Variants in STXBP6 observed in about 807,000 individuals in gnomAD.
The protein encoded by STXBP6 is syntaxin-binding protein 6.
A neutral mutation model predicts 26.9 loss-of-function variants in STXBP6; 21 were observed. The observed-to-expected ratio is 0.78, with a 90% confidence interval of 0.55 to 1.12. STXBP6 has a LOEUF of 1.12. Among genes scored for constraint, STXBP6 ranks in the 50% most tolerant of loss-of-function variants. The pLI, the probability that STXBP6 is intolerant of heterozygous loss-of-function variation, is 0.00. For synonymous variants in STXBP6, 97 were observed against 92.6 expected (o/e 1.05, Z -0.27); for missense variants, 232 against 257.9 (o/e 0.90, Z 0.69).
chr14:24,895,807 C>T lies in STXBP6; in HGVS notation c.155-38650G>A, dbSNP rs372698036. Among the ~76,000 whole-genome samples the T allele has an allele frequency of 1.2e-4, 19 of 152,166 alleles. No homozygotes were observed. In the South Asian group the frequency reaches 2.9e-3, roughly 23 times the overall value. ...TTCATTAGTTGTGTTATCACGAACA[C>T]GCTGCCTAACCTCTCTGAGCATGAG... On this transcript the variant is annotated intron_variant, in intron 2 of 5. Coordinates refer to ENST00000323944, the MANE Select transcript of STXBP6 (RefSeq NM_001394410.1).
intron 1 of STXBP6, among the ~76,000 whole-genome samples, chr14:24,984,232 AAAAAAC>A (rs1251775921): frequency 8.5e-5 from 13 of 152,358 alleles, no homozygotes; most frequent in Non-Finnish European, 4.4e-5. Context: ...CTCTGTCTTA[AAAAAAC>A]AAAAACAAAA....
intron 2 of STXBP6, among the ~76,000 whole-genome samples, chr14:24,968,142 C>T (rs764850404): frequency 4.1e-5 from 6 of 146,950 alleles, no homozygotes; most frequent in East Asian, 3.9e-4. Context: ...TCTTAATTTC[C>T]GTAATATTCA....
intron 4 of STXBP6, among the ~76,000 whole-genome samples, chr14:24,849,649 T>G (rs1407366058): frequency 6.6e-6 from 1 of 152,102 alleles, no homozygotes; most frequent in African/African-American, 2.4e-5. Flanking sequence ...ACAAAAATAG[T>G]CACTGGAGGA....
At position 24,855,954 on chromosome 14, in the gene STXBP6, G is replaced by C; in HGVS notation, c.433C>G (p.Gln145Glu). Residue 145 changes from glutamine (Q) to glutamate (E), a missense_variant, in exon 4 of 6, where the codon CAA becomes GAA. Transcript: ENST00000323944. ...TDRKPEFINC[Q>E]SKIMGGNSIL... ...CACTCACCTCCCATAATTTTGGATT[G>C]GCAGTTAATAAACTCTGGCTTCCTG... The C allele has an allele frequency of 6.2e-7, 1 of 1,603,630 alleles. No homozygotes were observed. The highest frequency in any genetic ancestry group is 8.5e-7 in the Non-Finnish European group (1 of 1,176,246).
chr14:25,015,551 TG>T (rs1352753132), intron 1 of STXBP6, among the ~76,000 whole-genome samples: 2 of 152,122 alleles, frequency 1.3e-5, no homozygotes, highest in African/African-American at 4.8e-5. Context: ...AAAATCCTTT[TG>T]ATAAAGATTC....
At chr14:24,819,000 C>A in intron 5 of STXBP6, 37 bp downstream of exon 5, 1 of 1,535,854 alleles carries the variant, frequency 6.5e-7, no homozygotes, top group Non-Finnish European at 8.8e-7. Flanking sequence ...CTCCCCAACA[C>A]CCCAGAGCTG....
chr14:24,910,374 T>C (rs1156807223), intron 2 of STXBP6, among the ~76,000 whole-genome samples: 2 of 152,262 alleles, frequency 1.3e-5, no homozygotes, highest in South Asian at 2.1e-4. Context: ...AGCCAGAGTT[T>C]TTGCCTTTGT....
chr14:24,993,137 C>T lies in STXBP6; in HGVS notation c.-32-18287G>A, dbSNP rs183459437. On this transcript the variant is annotated intron_variant, in intron 1 of 5. Transcript: ENST00000323944. ...TTTCTAAGACTTCAAGTACCACCTA[C>T]AGGCTGAAAACACATCACATCTATA... Among the ~76,000 whole-genome samples the T allele has an allele frequency of 5.9e-4, 90 of 152,320 alleles. 1 individual carries two copies. Among genetic ancestry groups the T allele is most frequent in the African/African-American group, 2.1e-3 (89 of 41,570 alleles).
At chr14:24,846,644 T>C (rs1053260756) in intron 4 of STXBP6, among the ~76,000 whole-genome samples, 1 of 152,192 alleles carries the variant, frequency 6.6e-6, no homozygotes, top group African/African-American at 2.4e-5. Flanking sequence ...AAGTAACATG[T>C]CCTGCATTTT....
rs1033437740 is a variant in STXBP6 at position 24,952,177 on chromosome 14, A to G, written c.154+22488T>C. 5.3e-5 allele frequency among the ~76,000 whole-genome samples: 8 copies of G among 151,694 alleles called. No individual in the cohort carries two copies. In the Middle Eastern group the frequency reaches 0.014, roughly 258 times the overall value. ...GGGGATTCATGATATTATTCTCTTT[A>G]CTGTTACATATTTGTAATTTTTAAT... On this transcript the variant is annotated intron_variant, in intron 2 of 5. Coordinates refer to ENST00000323944, the MANE Select transcript of STXBP6 (RefSeq NM_001394410.1).
chr14:24,923,172 A>G (rs2072041253), intron 2 of STXBP6, among the ~76,000 whole-genome samples: 1 of 152,086 alleles, frequency 6.6e-6, no homozygotes, highest in Non-Finnish European at 1.5e-5. Context: ...CATTATTCAT[A>G]TTTAGATATA....
Position 25,049,661 on chromosome 14 carries a change from CTG to C in STXBP6, c.-33+215_-33+216del, listed in dbSNP as rs1294240276. On this transcript the variant is annotated intron_variant, in intron 1 of 5. Transcript: ENST00000323944. This position sits in a 1 kb window ranked among gnomAD's most constrained non-coding sequence, Gnocchi z 5.6. ...GAGAACCAGGGACACGAGTCCCTCT[CTG>C]CGCGCACAAAGCAGCTGCGCCGGGG... The C allele has an allele frequency of 1.0e-6, 1 of 985,648 alleles. No homozygotes were observed. The allele number at this position is 985,648 out of a possible 1,614,324, so 61.1% of individuals were successfully genotyped here. A position where few individuals can be genotyped will look rare whatever the true frequency, so the allele number is the denominator to read the frequency against.
chr14:25,003,763 C>G (rs1430644635), intron 1 of STXBP6, among the ~76,000 whole-genome samples: 23 of 152,208 alleles, frequency 1.5e-4, no homozygotes, highest in Admixed American at 1.5e-3. Context: ...CTGGATGACT[C>G]CTGTTACTGG....
chr14:24,924,794 G>C (rs775582492), intron 2 of STXBP6, among the ~76,000 whole-genome samples: 2 of 152,156 alleles, frequency 1.3e-5, no homozygotes, highest in Non-Finnish European at 2.9e-5. Context: ...AGTCTCACAT[G>C]TCAGATTACG....
chr14:24,918,452 CCACACACACACACACACACACA>C (rs55810129), intron 2 of STXBP6, among the ~76,000 whole-genome samples: 38 of 133,478 alleles, frequency 2.8e-4, no homozygotes, highest in African/African-American at 4.7e-4. Context: ...CACACCCCCA[CCACACACACACACACACACACA>C]CACACACACA....
chr14:24,947,373 C>A (rs79367816), intron 2 of STXBP6, among the ~76,000 whole-genome samples: 5 of 152,126 alleles, frequency 3.3e-5, no homozygotes, highest in African/African-American at 1.2e-4. Context: ...GAGAGCACAA[C>A]GTGGTGAAAG....
intron 2 of STXBP6, among the ~76,000 whole-genome samples, chr14:24,913,781 T>C (rs1191453138): frequency 6.6e-6 from 1 of 152,228 alleles, no homozygotes; most frequent in Non-Finnish European, 1.5e-5. Flanking sequence ...AAAACCCTGC[T>C]ACTATCTTGG....
Position 24,955,580 on chromosome 14 carries a change from C to T in STXBP6, c.154+19085G>A, listed in dbSNP as rs116862721. ...GTGAACCCATTAATCACTAGCAAGG[C>T]TGAAGTCATAGCCCTCAGTGGAAGC... On this transcript the variant is annotated intron_variant, in intron 2 of 5. Transcript: ENST00000323944. Among the ~76,000 whole-genome samples, 21 of 152,282 alleles carry T rather than the reference C, an allele frequency of 1.4e-4. No individual in the cohort carries two copies. In the East Asian group the frequency reaches 4.1e-3, roughly 29 times the overall value.
At chr14:24,927,018 T>C (rs564718401) in intron 2 of STXBP6, among the ~76,000 whole-genome samples, 174 of 152,056 alleles carry the variant, frequency 1.1e-3, no homozygotes, top group Non-Finnish European at 1.5e-3. Context: ...ATTAAAACAT[T>C]TTAGTGGACG....
Sources: allele counts gnomAD v4.1 joint callset (sites outside exome capture counted in the v4.1 genomes callset), GRCh38; gene constraint gnomAD v4.1.1; non-coding constraint Gnocchi (gnomAD v3.1); transcripts MANE v1.5; gene names NCBI Gene and HGNC (gene_info 2026-07-23, HGNC 2026-07-21).